Variants in WDR4 observed in about 807,000 individuals in gnomAD.
WDR4 encodes tRNA (guanine-N(7)-)-methyltransferase non-catalytic subunit WDR4.
A neutral mutation model predicts 48.6 loss-of-function variants in WDR4; 47 were observed. The observed-to-expected ratio is 0.97, with a 90% CI of 0.77 to 1.23. WDR4 has a LOEUF of 1.23. Among genes scored for constraint, WDR4 ranks in the 50% most tolerant of loss-of-function variants. WDR4 has a pLI of 0.00. For missense variants in WDR4, 606 were observed against 551.6 expected (o/e 1.10, Z -0.99); for synonymous variants, 268 against 230.0 (o/e 1.17, Z -1.49).
intron 10 of WDR4, 122 bp downstream of exon 10, chr21:42,852,133 G>C (rs759166029): frequency 1.9e-6 from 2 of 1,035,990 alleles, no homozygotes; most frequent in Non-Finnish European, 2.9e-6. Flanking sequence ...GGGGACACAC[G>C]CTTACTCTCC....
At chr21:42,853,422 T>A in intron 9 of WDR4, 147 bp downstream of exon 9, 1 of 961,606 alleles carries the variant, frequency 1.0e-6, no homozygotes, top group Non-Finnish European at 1.5e-6. Flanking sequence ...CCCCAGCCAC[T>A]GCCATTCAGG....
intron 2 of WDR4, among the ~76,000 whole-genome samples, chr21:42,875,874 C>T (rs561841837): frequency 6.7e-6 from 1 of 149,254 alleles, no homozygotes; most frequent in African/African-American, 2.5e-5. Flanking sequence ...GATGTGATTA[C>T]TGACAGAAAC....
chr21:42,862,378 T>C lies in WDR4; in HGVS notation c.470A>G (p.Asp157Gly), dbSNP rs2146045542. ...MLLDVAVSPDDRFILTADRDE... is the reference protein window; with the variant it reads ...MLLDVAVSPDGRFILTADRDE... ...CCGGTCGGCAGTGAGGATGAAGCGG[T>C]CATCAGGACTCACAGCCTGCATCAC... The change falls in exon 5 of 11, where the codon GAC becomes GGC. Residue 157 changes from aspartate (D) to glycine (G), a missense_variant. Coordinates refer to ENST00000398208, the MANE Select transcript of WDR4 (RefSeq NM_018669.6). This position sits in a 1 kb window ranked among gnomAD's most constrained non-coding sequence, Gnocchi z 4.3. The C allele has an allele frequency of 6.2e-7, 1 of 1,607,774 alleles. No individual in the cohort carries two copies. Among genetic ancestry groups the C allele is most frequent in the East Asian group, 2.2e-5 (1 of 44,702 alleles).
the WDR4 span, among the ~76,000 whole-genome samples, chr21:42,891,723 C>T: frequency 6.6e-6 from 1 of 152,022 alleles, no homozygotes; most frequent in African/African-American, 2.4e-5. Context: ...TTTGGGAGGC[C>T]GAGGCGGGCG....
At chr21:42,853,871 A>G (rs1243849698) in intron 8 of WDR4, 119 bp from the exon 9 acceptor site, 19 of 1,136,370 alleles carry the variant, frequency 1.7e-5, no homozygotes, top group Non-Finnish European at 2.3e-5. Flanking sequence ...GCCTACGCTG[A>G]AAGCCCCAGC....
At chr21:42,876,622 A>T in intron 2 of WDR4, 80 bp downstream of exon 2, 4 of 1,348,986 alleles carry the variant, frequency 3.0e-6, no homozygotes, top group Non-Finnish European at 4.2e-6. Context: ...AGCAAGTAGG[A>T]CAACAATTGC....
rs568421066 is a variant in WDR4, at chr21:42,858,811, A to G, written c.627+851T>C. Among the ~76,000 whole-genome samples, 19 of 152,324 alleles carry G rather than the reference A, an allele frequency of 1.2e-4. No individual in the cohort carries two copies. The South Asian group carries it at 3.9e-3, about 32-fold the overall frequency. On this transcript the variant is annotated intron_variant, in intron 6 of 10. Coordinates refer to ENST00000398208, the MANE Select transcript of WDR4 (RefSeq NM_018669.6). ...GAAGAGCAGGAACAGGAGGCTGTGAATGAAGCCCAATCAGAGAAGAAACAT... is the reference window on the plus strand; with the variant it reads ...GAAGAGCAGGAACAGGAGGCTGTGAGTGAAGCCCAATCAGAGAAGAAACAT...
chr21:42,876,670 G>A (rs987403792), intron 2 of WDR4, 32 bp downstream of exon 2: 4 of 1,602,422 alleles, frequency 2.5e-6, no homozygotes, highest in South Asian at 1.1e-5. Context: ...AACCATTAAA[G>A]CAGGCCCTGA....
intron 3 of WDR4, among the ~76,000 whole-genome samples, chr21:42,866,643 C>T (rs2058253251): frequency 6.6e-6 from 1 of 151,984 alleles, no homozygotes; most frequent in Non-Finnish European, 1.5e-5. Flanking sequence ...TTCCACTCAC[C>T]CTAGTCCTCT....
At chr21:42,871,539 G>A (rs1413259557) in intron 3 of WDR4, among the ~76,000 whole-genome samples, 1 of 152,208 alleles carries the variant, frequency 6.6e-6, no homozygotes, top group Non-Finnish European at 1.5e-5. Flanking sequence ...TTACTCATGT[G>A]GCTATCTTAG....
At chr21:42,875,989 G>A (rs901632057) in intron 2 of WDR4, among the ~76,000 whole-genome samples, 30 of 129,986 alleles carry the variant, frequency 2.3e-4, no homozygotes, top group East Asian at 2.2e-4. Context: ...GCGCAACCTC[G>A]GCCGACTGCA....
chr21:42,870,250 C>T (rs1312103015), intron 3 of WDR4, among the ~76,000 whole-genome samples: 2 of 152,074 alleles, frequency 1.3e-5, no homozygotes, highest in Admixed American at 1.3e-4. Context: ...GCTCGGGAGG[C>T]GGAGGCAGAA....
the WDR4 span, among the ~76,000 whole-genome samples, chr21:42,886,415 G>C: frequency 1.3e-5 from 2 of 152,162 alleles, no homozygotes. Flanking sequence ...GATTTTGCTA[G>C]TGTACATGGG....
At position 42,867,985 on chromosome 21, in the gene WDR4, G is replaced by T. The variant is rs1441935215; in HGVS notation, c.297-4389C>A. ...AAGCACCTACAACCAAGGATGAAGA[G>T]GCCCCCCACCCGCCCAGCCTGCAGC... On this transcript the variant is annotated intron_variant, in intron 3 of 10. Coordinates refer to ENST00000398208, the MANE Select transcript of WDR4 (RefSeq NM_018669.6). 2.0e-5 allele frequency among the ~76,000 whole-genome samples: 3 copies of T among 152,142 alleles called. No individual in the cohort carries two copies. The South Asian group carries it at 6.2e-4, about 32-fold the overall frequency.
At position 42,862,312 on chromosome 21, in the gene WDR4, C is replaced by A; in HGVS notation, c.536G>T (p.Ser179Ile). ...IRVSWAAAPH[S>I]IESFCLGHTE... ...GTGCCCCAAGCAGAAGGACTCGATG[C>A]TATGGGGCGCCGCGGCCCAGCTGAC... Residue 179 changes from serine (S) to isoleucine (I), a missense_variant, in exon 5 of 11, where the codon AGC becomes ATC. Transcript: ENST00000398208. This position sits in a 1 kb window ranked among gnomAD's most constrained non-coding sequence, Gnocchi z 4.3. 1.9e-6 allele frequency: 3 copies of A among 1,611,130 alleles called. No homozygotes were observed. Among genetic ancestry groups the A allele is most frequent in the Non-Finnish European group, 2.5e-6 (3 of 1,179,038 alleles).
In WDR4 at chr21:42,876,685, G is replaced by C. The variant is rs1309284743; in HGVS notation, c.155+17C>G. 1 of 1,611,050 alleles carries C rather than the reference G, an allele frequency of 6.2e-7. No homozygotes were observed. Among genetic ancestry groups the C allele is most frequent in the Non-Finnish European group, 8.5e-7 (1 of 1,178,926 alleles). On this transcript the variant is annotated intron_variant, in intron 2 of 10. Transcript: ENST00000398208. ...AACCATTAAAGCAGGCCCTGAAAAA[G>C]CTTCCCCACATCTCACCCTTTATTT...
At chr21:42,848,476 A>G (rs552513818), downstream of WDR4, among the ~76,000 whole-genome samples, 2,566 of 29,612 alleles carry the variant, frequency 0.087, 74 homozygotes, top group African/African-American at 0.15. Context: ...CACGCGGCGC[A>G]CACCTCACTC....
chr21:42,871,063 AC>A (rs1482878815), intron 3 of WDR4, among the ~76,000 whole-genome samples: 1 of 152,080 alleles, frequency 6.6e-6, no homozygotes, highest in Non-Finnish European at 1.5e-5. Context: ...GATAGCCCTG[AC>A]CCCATCTGAC....
chr21:42,866,790 C>T (rs1282052443), intron 3 of WDR4, among the ~76,000 whole-genome samples: 3 of 152,072 alleles, frequency 2.0e-5, no homozygotes, highest in Admixed American at 2.0e-4. Context: ...TTCACTCCAC[C>T]CGATGCTGAA....
Sources: allele counts gnomAD v4.1 joint callset (sites outside exome capture counted in the v4.1 genomes callset), GRCh38; gene constraint gnomAD v4.1.1; non-coding constraint Gnocchi (gnomAD v3.1); transcripts MANE v1.5; gene names NCBI Gene and HGNC (gene_info 2026-07-23, HGNC 2026-07-21).